Variants in AFF4 observed in about 807,000 individuals in gnomAD.
AFF4 encodes the protein ALF transcription elongation factor 4.
Under a neutral mutation model 124.8 loss-of-function variants are expected in AFF4, and 13 were observed. That is an observed-to-expected ratio of 0.10 (90% confidence interval 0.07 to 0.17). The LOEUF (loss-of-function observed/expected upper bound fraction) is 0.17, where lower values mean the gene tolerates loss of function less well. Ranked by LOEUF, AFF4 falls within the 10% of genes least tolerant of loss-of-function variation. The probability of loss-of-function intolerance (pLI) is 1.00; values close to 1 mark genes in which losing one functional copy is unlikely to be tolerated. For synonymous variants in AFF4, 477 were observed against 496.1 expected (o/e 0.96, Z 0.51); for missense variants, 1,092 against 1,403.8 (o/e 0.78, Z 3.55).
intron 5 of AFF4, among the ~76,000 whole-genome samples, chr5:132,911,572 A>G (rs570094343): frequency 6.6e-6 from 1 of 152,134 alleles, no homozygotes; most frequent in South Asian, 2.1e-4. Context: ...AAAGAAAAAA[A>G]AAGAAAGAAC....
At chr5:132,949,819 G>C (rs1264939893) in intron 1 of AFF4, among the ~76,000 whole-genome samples, 3 of 146,918 alleles carry the variant, frequency 2.0e-5, no homozygotes, top group African/African-American at 7.6e-5. Context: ...CAGAGATCGC[G>C]CCACTGCACT....
rs374993401 is a variant in AFF4, at chr5:132,889,189, T to A, written c.2638-16A>T. 6 of 1,564,828 alleles carry A rather than the reference T, an allele frequency of 3.8e-6. No homozygotes were observed. The South Asian group carries it at 6.7e-5, about 17-fold the overall frequency. The stretch of plus-strand genomic sequence containing the variant: ...GAGCCTTTTCCTGACCAAAAAAATA[T>A]ATAACTACAATGAAAACCGTAAGGA... On this transcript the variant is annotated splice_polypyrimidine_tract_variant and intron_variant, in intron 13 of 20. Transcript: ENST00000265343.
chr5:132,958,672 T>G (rs1321045123), intron 1 of AFF4, among the ~76,000 whole-genome samples: 1 of 152,056 alleles, frequency 6.6e-6, no homozygotes, highest in Non-Finnish European at 1.5e-5. Context: ...TGGAAGCAAC[T>G]GCAAAAAGGT....
rs368723052 is a variant in AFF4 at position 132,946,055 on chromosome 5, T to C, written c.-4-8862A>G. Among the ~76,000 whole-genome samples, 8 of 152,094 alleles carry C rather than the reference T, an allele frequency of 5.3e-5. No individual in the cohort carries two copies. In the East Asian group the frequency reaches 1.5e-3, roughly 29 times the overall value. On this transcript the variant is annotated intron_variant, in intron 1 of 20. Coordinates refer to ENST00000265343, the MANE Select transcript of AFF4 (RefSeq NM_014423.4). ...AGCCTGGGCAACAAGAGCAAAACTC[T>C]GTCTCAAAAAAAATAAATTAATAAA... is the stretch of plus-strand genomic sequence containing the variant.
intron 18 of AFF4, 128 bp downstream of exon 18, chr5:132,886,182 G>T: frequency 2.6e-6 from 2 of 761,620 alleles, no homozygotes; most frequent in South Asian, 3.6e-5. Context: ...AAACTTATTT[G>T]AAAAGTCCCA....
At position 132,886,340 on chromosome 5, in the gene AFF4, C is replaced by T; in HGVS notation, c.3069G>A (p.Lys1023=). Residue 1023 remains lysine (K), a synonymous_variant, in exon 18 of 21, where the codon AAG becomes AAA. Coordinates refer to ENST00000265343, the MANE Select transcript of AFF4 (RefSeq NM_014423.4). ...GGTGCTCTGTCAGTGTCTTTGAGTA[C>T]TTCAGAGCATTTTCCTTCTTCAGTT... ...LFKLKKENAL[K]YSKTLTEHLK... The T allele has an allele frequency of 6.2e-7, 1 of 1,614,194 alleles. No individual in the cohort carries two copies. The highest frequency in any genetic ancestry group is 8.5e-7 in the Non-Finnish European group (1 of 1,180,030).
chr5:132,963,021 G>A (rs898322366), intron 1 of AFF4, among the ~76,000 whole-genome samples: 1 of 152,118 alleles, frequency 6.6e-6, no homozygotes, highest in Non-Finnish European at 1.5e-5. Context: ...TAAACGGATG[G>A]ATTTCTGGGA....
At chr5:132,906,944 AAAAAT>A (rs749895788) in intron 5 of AFF4, among the ~76,000 whole-genome samples, 2 of 152,152 alleles carry the variant, frequency 1.3e-5, no homozygotes, top group South Asian at 2.1e-4. Context: ...TACAAATAAT[AAAAAT>A]AAAATAAAAT....
chr5:132,877,498 C>A lies in AFF4; in HGVS notation c.*3561G>T, dbSNP rs992630507. ...AAATACTAAACACACACATATTTGA[C>A]AAACTAATTTCATGTTTTCATACAT... is the stretch of plus-strand genomic sequence containing the variant. On this transcript the variant is annotated 3_prime_UTR_variant, in exon 21 of 21. Coordinates refer to ENST00000265343, the MANE Select transcript of AFF4 (RefSeq NM_014423.4). 4.7e-6 allele frequency: 1 copy of A among 212,480 alleles called. No individual in the cohort carries two copies. Among genetic ancestry groups the A allele is most frequent in the Admixed American group, 5.9e-5 (1 of 17,008 alleles). 13.2% of individuals were successfully genotyped at this position (212,480 alleles called of 1,614,324 possible). A position where few individuals can be genotyped will look rare whatever the true frequency, so the allele number is the denominator to read the frequency against.
chr5:132,899,461 T>C (rs544698936), intron 8 of AFF4, 126 bp downstream of exon 8: 30 of 904,948 alleles, frequency 3.3e-5, no homozygotes, highest in Non-Finnish European at 4.8e-5. Flanking sequence ...AACTACAACA[T>C]TTCAGTGTCA....
At chr5:132,916,605 C>T (rs996039534) in intron 5 of AFF4, among the ~76,000 whole-genome samples, 2 of 152,106 alleles carry the variant, frequency 1.3e-5, no homozygotes, top group East Asian at 3.9e-4. Flanking sequence ...GCCATGGTCT[C>T]AACTCCTTGG....
At chr5:132,909,123 CTTT>C (rs34141962) in intron 5 of AFF4, among the ~76,000 whole-genome samples, 9 of 112,784 alleles carry the variant, frequency 8.0e-5, no homozygotes, top group East Asian at 2.8e-4. Context: ...AAAACATCAT[CTTT>C]TTTTTTTTTT....
intron 5 of AFF4, among the ~76,000 whole-genome samples, chr5:132,924,491 T>G (rs1369906866): frequency 6.6e-6 from 1 of 152,010 alleles, no homozygotes; most frequent in Non-Finnish European, 1.5e-5. Context: ...TGAAGAAATT[T>G]GGGGGTGATG....
chr5:132,918,248 C>T (rs1581302886), intron 5 of AFF4, among the ~76,000 whole-genome samples: 1 of 151,512 alleles, frequency 6.6e-6, no homozygotes, highest in Non-Finnish European at 1.5e-5. Context: ...TAAAGATTAG[C>T]TGGGTGTGGT....
intron 1 of AFF4, among the ~76,000 whole-genome samples, chr5:132,956,541 A>T (rs1259406871): frequency 1.3e-5 from 2 of 150,952 alleles, no homozygotes; most frequent in African/African-American, 4.9e-5. Context: ...TGAAGCAGGG[A>T]GAATCACTTG....
chr5:132,904,859 G>C (rs573765227), intron 5 of AFF4, among the ~76,000 whole-genome samples: 3 of 151,924 alleles, frequency 2.0e-5, no homozygotes, highest in African/African-American at 7.3e-5. Flanking sequence ...GACCATCCTG[G>C]CCAACATGGT....
chr5:132,899,519 TATC>T (rs940932191), intron 8 of AFF4, 65 bp downstream of exon 8: 3 of 1,353,942 alleles, frequency 2.2e-6, no homozygotes. Context: ...ATTATTCAAT[TATC>T]ATTTTTATAA....
intron 6 of AFF4, among the ~76,000 whole-genome samples, chr5:132,903,429 C>T (rs924767883): frequency 2.6e-5 from 4 of 152,148 alleles, no homozygotes; most frequent in South Asian, 2.1e-4. Flanking sequence ...TACAAATCTA[C>T]CTTAATTAAG....
intron 5 of AFF4, among the ~76,000 whole-genome samples, chr5:132,910,597 T>C (rs1760773200): frequency 6.6e-6 from 1 of 152,188 alleles, no homozygotes; most frequent in African/African-American, 2.4e-5. Context: ...CATGAAGTTG[T>C]ACCCACTTAA....
Sources: allele counts gnomAD v4.1 joint callset (sites outside exome capture counted in the v4.1 genomes callset), GRCh38; gene constraint gnomAD v4.1.1; transcripts MANE v1.5; gene names NCBI Gene and HGNC (gene_info 2026-07-23, HGNC 2026-07-21).